Variants in TCF3 observed in about 807,000 individuals in gnomAD.
The protein encoded by TCF3 is transcription factor E2-alpha.
In TCF3, 54 loss-of-function variants were observed where a neutral mutation model predicts 72.3. That is an observed-to-expected ratio of 0.75 (90% CI 0.60 to 0.94). TCF3 has a LOEUF of 0.94. Ranked by LOEUF, TCF3 falls within the 40% of genes least tolerant of loss-of-function variation. TCF3 has a pLI of 0.00. For missense variants in TCF3, 1,078 were observed against 934.4 expected, an observed-to-expected ratio of 1.15 and a Z score of -2.00; for synonymous variants, 525 against 412.6, an observed-to-expected ratio of 1.27 and a Z score of -3.30.
chr19:1,621,848 G>T lies in TCF3; in HGVS notation c.945C>A (p.Asp315Glu). Residue 315 changes from aspartate to glutamate, a missense_variant, in exon 11 of 19, where the codon GAC (aspartate) becomes GAA (glutamate). Physicochemically the swap from Asp to Glu is conservative, Grantham distance 45 (BLOSUM62 2). Transcript: ENST00000262965. ...AGGGAGGGGCCATACCCAGGAGGCT[G>T]TCGGCCCCGCTGACAGGCGGCGTGT... is the stretch of plus-strand genomic sequence containing the variant. ...SSHTPPVSGA[D>E]SLLGSRGTTA... The T allele has an allele frequency of 6.3e-7, 1 of 1,589,748 alleles. No individual in the cohort carries two copies. The highest frequency in any genetic ancestry group is 1.8e-5 in the Admixed American group (1 of 56,046).
chr19:1,632,212 TC>T, intron 4 of TCF3, 96 bp from the exon 5 acceptor site: 1 of 1,550,600 alleles, frequency 6.4e-7, no homozygotes, highest in Non-Finnish European at 8.7e-7. Flanking sequence ...CAAACCCATG[TC>T]CCCCAGTCCA....
chr19:1,632,643 C>G (rs529559662), intron 3 of TCF3, among the ~76,000 whole-genome samples: 1 of 152,266 alleles, frequency 6.6e-6, no homozygotes, highest in East Asian at 1.9e-4. Context: ...CGTCGGCTCT[C>G]TGCTGGCCAA....
At chr19:1,651,801 C>T (rs1007509828) in intron 1 of TCF3, among the ~76,000 whole-genome samples, 3 of 151,202 alleles carry the variant, frequency 2.0e-5, no homozygotes, top group Non-Finnish European at 4.4e-5. Context: ...ACCCGCGCGC[C>T]CCCCCCCGGC....
chr19:1,618,083 G>T (rs1046797255), intron 16 of TCF3, among the ~76,000 whole-genome samples: 3 of 152,058 alleles, frequency 2.0e-5, no homozygotes, highest in African/African-American at 7.3e-5. Flanking sequence ...ATGGGTGTCT[G>T]AGACACTCAA....
rs1348556992 is a variant in TCF3 at position 1,622,234 on chromosome 19, G to A, written c.653-11C>T. The A allele has an allele frequency of 5.9e-6, 9 of 1,535,064 alleles. No homozygotes were observed. The highest frequency in any genetic ancestry group is 2.4e-5 in the East Asian group (1 of 41,978). On this transcript the variant is annotated splice_polypyrimidine_tract_variant and intron_variant, in intron 9 of 18. Coordinates refer to ENST00000262965, the MANE Select transcript of TCF3 (RefSeq NM_003200.5). ...GGTGCAGGCTGCCATCTGTGGAGGG[G>A]AGCTGGTAAGGTGGGGGCCGAGTGG...
At chr19:1,644,884 G>A (rs1014289797) in intron 3 of TCF3, among the ~76,000 whole-genome samples, 6 of 151,806 alleles carry the variant, frequency 4.0e-5, no homozygotes, top group Non-Finnish European at 8.8e-5. Flanking sequence ...TGGGAGTTGC[G>A]CTTCCTCCTC....
At chr19:1,631,576 C>T (rs1375263096) in intron 5 of TCF3, among the ~76,000 whole-genome samples, 2 of 151,988 alleles carry the variant, frequency 1.3e-5, no homozygotes, top group Non-Finnish European at 2.9e-5. Flanking sequence ...ACCTGAGTCA[C>T]GATTCTCTCG....
At chr19:1,623,927 T>C in intron 8 of TCF3, 24 bp downstream of exon 8, 1 of 1,611,764 alleles carries the variant, frequency 6.2e-7, no homozygotes, top group African/African-American at 1.3e-5. Flanking sequence ...AGCTGTGGGG[T>C]CCCTTCTCCC....
At chr19:1,620,919 C>T (rs766063050) in intron 13 of TCF3, 49 bp downstream of exon 13, 13 of 1,420,744 alleles carry the variant, frequency 9.2e-6, no homozygotes, top group East Asian at 5.6e-5. Context: ...CCCCTCCCCC[C>T]AAACCCTCAC....
At chr19:1,623,750 G>C (rs561687627) in intron 8 of TCF3, among the ~76,000 whole-genome samples, 3 of 152,154 alleles carry the variant, frequency 2.0e-5, no homozygotes, top group Admixed American at 6.5e-5. Flanking sequence ...AAGACAGACA[G>C]AGGCTGGACC....
In TCF3 at chr19:1,649,154, T is replaced by A. The variant is rs2066603333; in HGVS notation, c.72+1023A>T. ...CGCCCTCCCCACCGGGCCTGCCTGC[T>A]CCGCAGTGATAACCGTGGCAGTCAC... On this transcript the variant is annotated intron_variant, in intron 2 of 18. Coordinates refer to ENST00000262965, the MANE Select transcript of TCF3 (RefSeq NM_003200.5). Among the ~76,000 whole-genome samples the A allele has an allele frequency of 2.0e-5, 3 of 152,106 alleles. No homozygotes were observed. The South Asian group carries it at 6.2e-4, about 32-fold the overall frequency.
chr19:1,620,750 A>G (rs559501656), intron 13 of TCF3, among the ~76,000 whole-genome samples: 1 of 152,256 alleles, frequency 6.6e-6, no homozygotes, highest in Non-Finnish European at 1.5e-5. Flanking sequence ...GTGGAACACA[A>G]GCCCATGGGG....
chr19:1,629,892 G>C (rs185792387), intron 5 of TCF3, among the ~76,000 whole-genome samples: 1 of 152,168 alleles, frequency 6.6e-6, no homozygotes, highest in African/African-American at 2.4e-5. Flanking sequence ...GACCCGGGGG[G>C]ACATGGGGAA....
In TCF3 at chr19:1,609,607, C is replaced by T. The variant is rs2060848336; in HGVS notation, c.*2100G>A. The T allele has an allele frequency of 4.5e-6, 1 of 221,076 alleles. No homozygotes were observed. The highest frequency in any genetic ancestry group is 1.4e-3 in the Middle Eastern group (1 of 718). The allele number at this position is 221,076 out of a possible 1,614,324, so 13.7% of individuals were successfully genotyped here. On this transcript the variant is annotated 3_prime_UTR_variant, in exon 19 of 19. Coordinates refer to ENST00000262965, the MANE Select transcript of TCF3 (RefSeq NM_003200.5). ...GCCACTGCCCACCCAGACCTAGGGG[C>T]AGGGCCAGGAGCAAAACAAGAGGGA...
At position 1,610,764 on chromosome 19, in the gene TCF3, C is replaced by G. The variant is rs2060922270; in HGVS notation, c.*943G>C. ...CCTTCCCCCAAGCCCAGGTCAGTCC[C>G]CTTCCTGAGGGGAGAGGATGCGGCA... is the stretch of plus-strand genomic sequence containing the variant. On this transcript the variant is annotated 3_prime_UTR_variant, in exon 19 of 19. Transcript: ENST00000262965. 1 of 232,138 alleles carries G rather than the reference C, an allele frequency of 4.3e-6. No homozygotes were observed. Among genetic ancestry groups the G allele is most frequent in the African/African-American group, 2.2e-5 (1 of 45,210 alleles). The allele number at this position is 232,138 out of a possible 1,614,324, so 14.4% of individuals were successfully genotyped here. A position where few individuals can be genotyped will look rare whatever the true frequency, so the allele number is the denominator to read the frequency against.
At position 1,614,578 on chromosome 19, in the gene TCF3, G is replaced by C. The variant is rs1255468210; in HGVS notation, c.1822+707C>G. Among the ~76,000 whole-genome samples the C allele has an allele frequency of 3.3e-5, 5 of 152,160 alleles. No individual in the cohort carries two copies. Among genetic ancestry groups the C allele is most frequent in the Non-Finnish European group, 1.5e-5 (1 of 68,020 alleles). The stretch of plus-strand genomic sequence containing the variant: ...TTAGAGCTGAGGGGATAGCGTGTGG[G>C]CCGGGCCGGGGCTCTGGCTCCGGTC... On this transcript the variant is annotated intron_variant, in intron 18 of 18. Coordinates refer to ENST00000262965, the MANE Select transcript of TCF3 (RefSeq NM_003200.5). This position sits in a 1 kb window ranked among gnomAD's most constrained non-coding sequence, Gnocchi z 5.6.
In TCF3 at chr19:1,646,443, G is replaced by A; in HGVS notation, c.73-16C>T. ...GCGGGAACATCTGCAGGGAGGGGAG[G>A]GGAGACGTGAGCGGGGCGGGTGGCA... is the stretch of plus-strand genomic sequence containing the variant. On this transcript the variant is annotated splice_polypyrimidine_tract_variant and intron_variant, in intron 2 of 18. Coordinates refer to ENST00000262965, the MANE Select transcript of TCF3 (RefSeq NM_003200.5). 6.5e-7 allele frequency: 1 copy of A among 1,549,430 alleles called. No individual in the cohort carries two copies.
chr19:1,624,951 T>C (rs1027419926), intron 7 of TCF3, among the ~76,000 whole-genome samples: 5 of 152,236 alleles, frequency 3.3e-5, no homozygotes, highest in Admixed American at 1.3e-4. Context: ...GGTCAAACCA[T>C]CCTCCTGCCT....
Position 1,612,746 on chromosome 19 carries a change from C to T in TCF3, c.1823-897G>A, listed in dbSNP as rs911024333. Among the ~76,000 whole-genome samples the T allele has an allele frequency of 3.7e-4, 52 of 142,388 alleles. No homozygotes were observed. The South Asian group carries it at 6.1e-3, about 17-fold the overall frequency. The allele number at this position is 142,388 out of a possible 152,430, so 93.4% of individuals were successfully genotyped here. On this transcript the variant is annotated intron_variant, in intron 18 of 18. Coordinates refer to ENST00000262965, the MANE Select transcript of TCF3 (RefSeq NM_003200.5). ...GGGTGTGGGCAGCAGTGCGGGTACA[C>T]GGCTTACGTTGGTGGACACAGCAGT...
Sources: allele counts gnomAD v4.1 joint callset (sites outside exome capture counted in the v4.1 genomes callset), GRCh38; gene constraint gnomAD v4.1.1; non-coding constraint Gnocchi (gnomAD v3.1); transcripts MANE v1.5; gene names NCBI Gene and HGNC (gene_info 2026-07-23, HGNC 2026-07-21).